CTTNBP2NL: variants seen among roughly 807,000 people sequenced by gnomAD.
CTTNBP2NL encodes CTTNBP2 N-terminal-like protein.
A neutral mutation model predicts 32.5 loss-of-function variants in CTTNBP2NL; 16 were observed. That is an observed-to-expected ratio of 0.49 (90% CI 0.33 to 0.75). The LOEUF (loss-of-function observed/expected upper bound fraction) is 0.75, where lower values mean the gene tolerates loss of function less well. Ranked by LOEUF, CTTNBP2NL falls within the 30% of genes least tolerant of loss-of-function variation. The pLI is 0.02. For missense variants in CTTNBP2NL, 645 were observed against 756.0 expected, an observed-to-expected ratio of 0.85 and a Z score of 1.72; for synonymous variants, 298 against 289.4, an observed-to-expected ratio of 1.03 and a Z score of -0.30.
In CTTNBP2NL at chr1:112,444,127, T is replaced by C. The variant is rs185673626; in HGVS notation, c.100-4815T>C. ...TTGTCTCTTTAGTGGCAAAAATACATCCTAATCCAGTTATGGTACCAGCCT... is the reference window on the plus strand; with the variant it reads ...TTGTCTCTTTAGTGGCAAAAATACACCCTAATCCAGTTATGGTACCAGCCT... On this transcript the variant is annotated intron_variant, in intron 3 of 5. Transcript: ENST00000271277. Among the ~76,000 whole-genome samples, 175 of 152,310 alleles carry C rather than the reference T, an allele frequency of 1.1e-3. 1 individual carries two copies. Among genetic ancestry groups the C allele is most frequent in the Admixed American group, 2.2e-3 (34 of 15,296 alleles).
chr1:112,438,790 A>T (rs1175645), intron 3 of CTTNBP2NL, among the ~76,000 whole-genome samples: 1 of 152,100 alleles, frequency 6.6e-6, no homozygotes, highest in Non-Finnish European at 1.5e-5. Flanking sequence ...TAGCATGCAC[A>T]ATTTCACCAT....
At chr1:112,407,402 T>G (rs1383233139) in intron 1 of CTTNBP2NL, among the ~76,000 whole-genome samples, 1 of 152,190 alleles carries the variant, frequency 6.6e-6, no homozygotes, top group Non-Finnish European at 1.5e-5. Context: ...CAAGATTGGT[T>G]TCTTCTGAGG....
chr1:112,451,119 C>T (rs990717219), intron 4 of CTTNBP2NL, among the ~76,000 whole-genome samples: 2 of 151,998 alleles, frequency 1.3e-5, no homozygotes, highest in Non-Finnish European at 2.9e-5. Context: ...TCACAGGCAA[C>T]CAGTTTTTTC....
At position 112,410,794 on chromosome 1, in the gene CTTNBP2NL, T is replaced by C. The variant is rs58190287; in HGVS notation, c.-133-1400T>C. Among the ~76,000 whole-genome samples the C allele has an allele frequency of 3.9e-3, 587 of 152,134 alleles. 5 individuals carry two copies. Among genetic ancestry groups the C allele is most frequent in the African/African-American group, 0.013 (552 of 41,498 alleles). ...ATAAGTAGGGAATGAGTCCATAGAC[T>C]TAGAAATATCTGTGTCTAAACTCTA... is the stretch of plus-strand genomic sequence containing the variant. On this transcript the variant is annotated intron_variant, in intron 1 of 5. Transcript: ENST00000271277.
At chr1:112,445,080 A>T (rs1649998780) in intron 3 of CTTNBP2NL, among the ~76,000 whole-genome samples, 1 of 152,202 alleles carries the variant, frequency 6.6e-6, no homozygotes, top group Non-Finnish European at 1.5e-5. Flanking sequence ...GGCACTTGTA[A>T]GGAGCCAAGG....
chr1:112,431,518 T>C (rs1278192673), intron 3 of CTTNBP2NL, among the ~76,000 whole-genome samples: 1 of 152,220 alleles, frequency 6.6e-6, no homozygotes, highest in African/African-American at 2.4e-5. Flanking sequence ...TTATGTGAAA[T>C]TGTTTTGTTA....
At chr1:112,455,047 T>C (rs1223274349) in intron 5 of CTTNBP2NL, among the ~76,000 whole-genome samples, 1 of 152,234 alleles carries the variant, frequency 6.6e-6, no homozygotes, top group East Asian at 1.9e-4. Context: ...TTTCTGTTTA[T>C]ATATTTTTTT....
chr1:112,454,303 G>A (rs1479492714), intron 4 of CTTNBP2NL, 146 bp from the exon 5 acceptor site: 1 of 622,670 alleles, frequency 1.6e-6, no homozygotes, highest in Non-Finnish European at 2.9e-6. Flanking sequence ...TGTGCTCCTT[G>A]ATAGCCCTTG....
rs780407855 is a variant in CTTNBP2NL, at chr1:112,454,451, G to A, written c.333G>A (p.Val111=). ...GAAATTTAAAAAATTCTTTAAAGGT[G>A]ATCCTAGACCTTGAGGAAGAAAGGC... ...LAAAESRHRK[V]ILDLEEERQR... The change falls in exon 5 of 6, where the codon GTG becomes GTA. Residue 111 remains valine, a splice_region_variant and synonymous_variant. Coordinates refer to ENST00000271277, the MANE Select transcript of CTTNBP2NL (RefSeq NM_018704.3). 1 of 1,611,424 alleles carries A rather than the reference G, an allele frequency of 6.2e-7. No individual in the cohort carries two copies. Among genetic ancestry groups the A allele is most frequent in the Admixed American group, 1.7e-5 (1 of 59,734 alleles).
At chr1:112,453,515 G>T (rs1009240537) in intron 4 of CTTNBP2NL, among the ~76,000 whole-genome samples, 4 of 152,108 alleles carry the variant, frequency 2.6e-5, no homozygotes, top group Non-Finnish European at 4.4e-5. Flanking sequence ...ATTTTGGGAG[G>T]CTGAGGCGGG....
At position 112,407,414 on chromosome 1, in the gene CTTNBP2NL, G is replaced by A. The variant is rs192524822; in HGVS notation, c.-133-4780G>A. On this transcript the variant is annotated intron_variant, in intron 1 of 5. Transcript: ENST00000271277. ...GGGCAAGATTGGTTTCTTCTGAGGC[G>A]TCTCTCCTTGGCTTATAAAGATGGC... 3.9e-5 allele frequency among the ~76,000 whole-genome samples: 6 copies of A among 152,232 alleles called. No individual in the cohort carries two copies. In the East Asian group the frequency reaches 7.7e-4, roughly 20 times the overall value.
intron 4 of CTTNBP2NL, 71 bp from the exon 5 acceptor site, chr1:112,454,378 C>T (rs892595714): frequency 2.6e-6 from 3 of 1,158,458 alleles, no homozygotes; most frequent in African/African-American, 1.5e-5. Context: ...TGATTTGGCA[C>T]TTATTATTGG....
In CTTNBP2NL at chr1:112,456,391, C is replaced by T. The variant is rs895658854; in HGVS notation, c.899C>T (p.Thr300Ile). ...AAACCAGTAACCGTGTCCAAAGGCA[C>T]AGCAACTGAGCCTCTCATGCTAATG... ...LKKPVTVSKG[T>I]ATEPLMLMSV... Residue 300 changes from threonine (T) to isoleucine (I), a missense_variant, in exon 6 of 6, where the codon ACA (threonine) becomes ATA (isoleucine). Coordinates refer to ENST00000271277, the MANE Select transcript of CTTNBP2NL (RefSeq NM_018704.3). 2 of 1,614,000 alleles carry T rather than the reference C, an allele frequency of 1.2e-6. No homozygotes were observed. The highest frequency in any genetic ancestry group is 1.7e-6 in the Non-Finnish European group (2 of 1,180,050).
chr1:112,440,767 TCA>T (rs1491436778), intron 3 of CTTNBP2NL, among the ~76,000 whole-genome samples: 4 of 152,220 alleles, frequency 2.6e-5, no homozygotes, highest in Admixed American at 6.5e-5. Context: ...CTTGGGAAAG[TCA>T]CGTGTTTGAT....
chr1:112,418,586 T>A (rs977051318), intron 3 of CTTNBP2NL, among the ~76,000 whole-genome samples: 3 of 152,178 alleles, frequency 2.0e-5, no homozygotes, highest in Non-Finnish European at 4.4e-5. Context: ...AAAAACTTCT[T>A]TATGAACGTC....
At chr1:112,400,087 C>CA (rs1260334748) in intron 1 of CTTNBP2NL, among the ~76,000 whole-genome samples, 1 of 152,102 alleles carries the variant, frequency 6.6e-6, no homozygotes, top group South Asian at 2.1e-4. Flanking sequence ...AAAAAATTAA[C>CA]AAAATTAAAG....
intron 3 of CTTNBP2NL, among the ~76,000 whole-genome samples, chr1:112,431,198 T>G (rs1388990657): frequency 2.0e-5 from 3 of 152,250 alleles, no homozygotes; most frequent in Non-Finnish European, 4.4e-5. Context: ...TTGCATTTAT[T>G]CAGCCTGTAA....
rs1256767647 is a variant in CTTNBP2NL, at chr1:112,461,137, T to G, written c.*3725T>G. On this transcript the variant is annotated 3_prime_UTR_variant, in exon 6 of 6. Coordinates refer to ENST00000271277, the MANE Select transcript of CTTNBP2NL (RefSeq NM_018704.3). ...ATTTGTGTATCAGTGGCCAATTCAT[T>G]AGTAAAAATAAAGGAGGGGAAAGGA... 6.6e-6 allele frequency: 1 copy of G among 152,142 alleles called. No individual in the cohort carries two copies. The highest frequency in any genetic ancestry group is 1.5e-5 in the Non-Finnish European group (1 of 68,028). 9.4% of individuals were successfully genotyped at this position (152,142 alleles called of 1,614,324 possible).
intron 3 of CTTNBP2NL, among the ~76,000 whole-genome samples, chr1:112,434,897 C>T (rs1181758065): frequency 3.9e-5 from 6 of 152,030 alleles, no homozygotes; most frequent in African/African-American, 1.4e-4. Flanking sequence ...AATCCCAGCA[C>T]TTTGGGAGGC....
Sources: allele counts gnomAD v4.1 joint callset (sites outside exome capture counted in the v4.1 genomes callset), GRCh38; gene constraint gnomAD v4.1.1; transcripts MANE v1.5; gene names NCBI Gene and HGNC (gene_info 2026-07-23, HGNC 2026-07-21).